TBC1D31: variants seen among roughly 807,000 people sequenced by gnomAD.
TBC1D31 encodes the protein TBC1 domain family member 31.
A neutral mutation model predicts 132.9 loss-of-function variants in TBC1D31; 99 were observed. The ratio of observed to expected loss-of-function variants is 0.74; its 90% CI spans 0.63 to 0.88. The LOEUF is 0.88. Ranked by LOEUF, TBC1D31 falls within the 40% of genes least tolerant of loss-of-function variation. The probability of loss-of-function intolerance (pLI) is 0.00; values close to 1 mark genes in which losing one functional copy is unlikely to be tolerated. For missense variants in TBC1D31, 1,134 were observed against 1,256.6 expected, an observed-to-expected ratio of 0.90 and a Z score of 1.48; for synonymous variants, 385 against 419.4, an observed-to-expected ratio of 0.92 and a Z score of 1.00.
At chr8:123,142,502 T>TA (rs1821805359) in intron 19 of TBC1D31, 46 bp downstream of exon 19, 4 of 1,365,932 alleles carry the variant, frequency 2.9e-6, no homozygotes, top group Non-Finnish European at 3.8e-6. Context: ...CATTGATTTT[T>TA]TTTTTTTTTT....
chr8:123,127,108 A>G (rs912680701), intron 13 of TBC1D31, among the ~76,000 whole-genome samples: 3 of 152,120 alleles, frequency 2.0e-5, no homozygotes, highest in African/African-American at 7.2e-5. Context: ...CACTGGTGCT[A>G]GGTAGTAGGA....
intron 20 of TBC1D31, among the ~76,000 whole-genome samples, chr8:123,147,383 G>C (rs1221564701): frequency 6.6e-6 from 1 of 152,150 alleles, no homozygotes; most frequent in East Asian, 1.9e-4. Context: ...ATGTTGGGCA[G>C]GGTGGTCTCA....
intron 2 of TBC1D31, among the ~76,000 whole-genome samples, chr8:123,082,082 G>C (rs1296238550): frequency 1.3e-5 from 2 of 152,108 alleles, no homozygotes; most frequent in Non-Finnish European, 2.9e-5. Context: ...TTTCACAAGG[G>C]CCTTAAACAA....
At chr8:123,096,804 A>G (rs1006639242) in intron 5 of TBC1D31, among the ~76,000 whole-genome samples, 2 of 152,226 alleles carry the variant, frequency 1.3e-5, no homozygotes, top group Admixed American at 1.3e-4. Context: ...CTCTTTTTGT[A>G]TCTTATTAAG....
chr8:123,153,529 CGTTTCTCCA>C (rs1822912623), downstream of TBC1D31, among the ~76,000 whole-genome samples: 3 of 152,208 alleles, frequency 2.0e-5, no homozygotes, highest in African/African-American at 7.2e-5. Context: ...TCTGAGCCTA[CGTTTCTCCA>C]GTAATCTTGA....
At chr8:123,127,320 G>GAGT (rs1443521036) in intron 13 of TBC1D31, among the ~76,000 whole-genome samples, 1 of 129,168 alleles carries the variant, frequency 7.7e-6, no homozygotes, top group African/African-American at 3.0e-5. Context: ...GCCCAGGCTG[G>GAGT]AGTGCAATGG....
In TBC1D31 at chr8:123,109,388, A is replaced by C. The variant is rs760043640; in HGVS notation, c.1281A>C (p.Thr427=). Reference sequence around the variant, plus strand: ...TAAAAGGCTATGGTGAATATCCAACAAAATACAGGTACAATTTAAATTCTG... The same window carrying C: ...TAAAAGGCTATGGTGAATATCCAACCAAATACAGGTACAATTTAAATTCTG... ...ILLKGYGEYP[T]KYRMFIWRSL... The change falls in exon 9 of 22, where the codon ACA becomes ACC. Residue 427 remains threonine, a synonymous_variant. Transcript: ENST00000287380. The C allele has an allele frequency of 8.1e-6, 13 of 1,611,012 alleles. No homozygotes were observed. The highest frequency in any genetic ancestry group is 1.7e-5 in the Admixed American group (1 of 59,668).
At chr8:123,160,909 G>T in the TBC1D31 span, among the ~76,000 whole-genome samples, 1 of 152,202 alleles carries the variant, frequency 6.6e-6, no homozygotes, top group Non-Finnish European at 1.5e-5. Flanking sequence ...CAGCTGCGGC[G>T]ATGAGGTCCC....
intron 1 of TBC1D31, chr8:123,073,518 TG>T: frequency 2.5e-6 from 1 of 402,598 alleles, no homozygotes; most frequent in East Asian, 7.2e-5. Context: ...CCCAGTTACC[TG>T]TCCTGTTTGA....
chr8:123,126,803 G>A (rs112817727), intron 13 of TBC1D31, 116 bp downstream of exon 13: 69 of 866,114 alleles, frequency 8.0e-5, no homozygotes, highest in Middle Eastern at 2.8e-4. Context: ...GTGCAATGGC[G>A]CGATCTCAGC....
intron 7 of TBC1D31, chr8:123,102,741 C>T (rs1586622321): frequency 6.4e-6 from 1 of 156,084 alleles, no homozygotes; most frequent in South Asian, 2.0e-4. Context: ...AATGAGGCAA[C>T]ACTCTGTCTT....
intron 4 of TBC1D31, among the ~76,000 whole-genome samples, chr8:123,089,181 A>G (rs1194255213): frequency 6.6e-6 from 1 of 152,228 alleles, no homozygotes; most frequent in African/African-American, 2.4e-5. Flanking sequence ...GGGATACTCA[A>G]TTGGTGAGTA....
intron 6 of TBC1D31, among the ~76,000 whole-genome samples, chr8:123,099,910 G>A (rs182748081): frequency 6.6e-6 from 1 of 152,096 alleles, no homozygotes; most frequent in Non-Finnish European, 1.5e-5. Flanking sequence ...GAGAAAGGGA[G>A]GGAGGAATGG....
chr8:123,108,788 G>GTGGAGGCCTC (rs1818180556), intron 8 of TBC1D31, among the ~76,000 whole-genome samples: 1 of 152,190 alleles, frequency 6.6e-6, no homozygotes, highest in Non-Finnish European at 1.5e-5. Flanking sequence ...CCACATGGCT[G>GTGGAGGCCTC]TGGAGGCCTC....
rs971792971 is a variant in TBC1D31 at position 123,100,795 on chromosome 8, T to A, written c.832-12T>A. 1.9e-6 allele frequency: 3 copies of A among 1,602,796 alleles called. No individual in the cohort carries two copies. The highest frequency in any genetic ancestry group is 2.7e-5 in the African/African-American group (2 of 74,646). ...CACATGTTTTTAGGAATTTATATTT[T>A]TTCTCTCTTAGGTTCTTGGAGTACT... On this transcript the variant is annotated splice_polypyrimidine_tract_variant and intron_variant, in intron 6 of 21. Coordinates refer to ENST00000287380, the MANE Select transcript of TBC1D31 (RefSeq NM_145647.4).
At chr8:123,096,329 G>T (rs965623480) in intron 5 of TBC1D31, among the ~76,000 whole-genome samples, 2 of 151,984 alleles carry the variant, frequency 1.3e-5, no homozygotes. Flanking sequence ...CTTTCATATG[G>T]CAATGCACTT....
At chr8:123,080,910 G>A (rs560790539) in intron 2 of TBC1D31, among the ~76,000 whole-genome samples, 9 of 152,050 alleles carry the variant, frequency 5.9e-5, no homozygotes, top group Non-Finnish European at 1.0e-4. Flanking sequence ...TGGGATGTTC[G>A]GGATGGCATA....
At chr8:123,103,177 T>C (rs1817610214) in intron 7 of TBC1D31, 1 of 152,190 alleles carries the variant, frequency 6.6e-6, no homozygotes, top group African/African-American at 2.4e-5. Flanking sequence ...ATAGTGAGAA[T>C]TAACTATACA....
At chr8:123,130,070 C>G (rs1820460488) in intron 15 of TBC1D31, 128 bp from the exon 16 acceptor site, 1 of 953,148 alleles carries the variant, frequency 1.0e-6, no homozygotes, top group East Asian at 2.7e-5. Flanking sequence ...GAGCAGTTCT[C>G]GCATTCTTCT....
Sources: gnomAD v4.1 joint callset for allele counts (sites outside exome capture counted in the v4.1 genomes callset) on GRCh38, gnomAD v4.1.1 for gene constraint, MANE v1.5 for transcripts, NCBI Gene and HGNC (gene_info 2026-07-23, HGNC 2026-07-21) for gene names.